The following GRID1 variants were observed in gnomAD, a reference collection of about 807,000 sequenced individuals.
GRID1 encodes the protein glutamate ionotropic receptor delta type subunit 1, also known as glutamate receptor ionotropic, delta-1.
A neutral mutation model predicts 98.0 loss-of-function variants in GRID1; 28 were observed. That is an observed-to-expected ratio of 0.29 (90% CI 0.21 to 0.39). The LOEUF (loss-of-function observed/expected upper bound fraction) is 0.39. GRID1 is among the 10% of genes least tolerant of loss of function. The pLI is 1.00. For missense variants in GRID1, 1,111 were observed against 1,340.5 expected (o/e 0.83, Z 2.67); for synonymous variants, 553 against 538.5 (o/e 1.03, Z -0.37).
chr10:86,325,576 T>C (rs1198907628), intron 2 of GRID1, among the ~76,000 whole-genome samples: 1 of 152,228 alleles, frequency 6.6e-6, no homozygotes, highest in Non-Finnish European at 1.5e-5. Context: ...AGACCAGGAA[T>C]TAACAATAAA....
intron 12 of GRID1, among the ~76,000 whole-genome samples, chr10:85,661,639 G>C (rs1436518922): frequency 1.3e-5 from 2 of 152,182 alleles, no homozygotes; most frequent in African/African-American, 4.8e-5. Context: ...CAAGGCTACA[G>C]CCACAATGCA....
At chr10:85,838,432 AG>A (rs1842931215) in intron 8 of GRID1, among the ~76,000 whole-genome samples, 1 of 152,214 alleles carries the variant, frequency 6.6e-6, no homozygotes, top group Non-Finnish European at 1.5e-5. Context: ...GTCACCAACA[AG>A]GGAAGCTCAT....
intron 8 of GRID1, among the ~76,000 whole-genome samples, chr10:85,762,804 C>T (rs1029409933): frequency 1.3e-5 from 2 of 152,150 alleles, no homozygotes; most frequent in African/African-American, 4.8e-5. Flanking sequence ...GAAGTGAGTG[C>T]CTGTTGTGAG....
At chr10:86,152,216 T>C (rs1408338802) in intron 3 of GRID1, among the ~76,000 whole-genome samples, 1 of 152,076 alleles carries the variant, frequency 6.6e-6, no homozygotes. Context: ...GATGTCAGGA[T>C]CAAAGGCCTC....
At chr10:85,807,370 G>A (rs1045572202) in intron 8 of GRID1, among the ~76,000 whole-genome samples, 3 of 150,992 alleles carry the variant, frequency 2.0e-5, no homozygotes, top group Non-Finnish European at 3.0e-5. Context: ...AAAAAAAAAG[G>A]AAAGAAAAAG....
At chr10:85,725,763 A>C (rs1378222806) in intron 10 of GRID1, among the ~76,000 whole-genome samples, 1 of 152,214 alleles carries the variant, frequency 6.6e-6, no homozygotes, top group Non-Finnish European at 1.5e-5. Context: ...TATGTAGGCT[A>C]GGGACAGATA....
At chr10:85,863,652 T>A (rs1198886061) in intron 6 of GRID1, among the ~76,000 whole-genome samples, 1 of 152,124 alleles carries the variant, frequency 6.6e-6, no homozygotes, top group African/African-American at 2.4e-5. Context: ...GTTGAGCTCC[T>A]CAGGAGTGCT....
intron 5 of GRID1, among the ~76,000 whole-genome samples, chr10:85,901,502 C>A (rs539322864): frequency 6.6e-6 from 1 of 152,134 alleles, no homozygotes. Flanking sequence ...CCCGCCTTGG[C>A]CTCCCAAAGA....
At chr10:86,200,599 A>T (rs1845933725) in intron 3 of GRID1, among the ~76,000 whole-genome samples, 1 of 152,236 alleles carries the variant, frequency 6.6e-6, no homozygotes, top group African/African-American at 2.4e-5. Context: ...CAGGTAGGAA[A>T]GGACTTCTTA....
intron 4 of GRID1, among the ~76,000 whole-genome samples, chr10:86,099,936 A>T (rs1377594488): frequency 6.6e-6 from 1 of 152,128 alleles, no homozygotes; most frequent in East Asian, 1.9e-4. Context: ...CAGCACCCTC[A>T]TGGGGCTGGG....
At chr10:86,044,819 G>A (rs1843398867) in intron 4 of GRID1, among the ~76,000 whole-genome samples, 1 of 151,516 alleles carries the variant, frequency 6.6e-6, no homozygotes, top group South Asian at 2.1e-4. Context: ...CGTTTTGCAG[G>A]TTATCTCATA....
chr10:85,920,641 C>T (rs535360084), intron 4 of GRID1, among the ~76,000 whole-genome samples: 7 of 152,234 alleles, frequency 4.6e-5, no homozygotes, highest in South Asian at 2.1e-4. Context: ...GGCAGCAGGA[C>T]GTGGTGTTTC....
At chr10:85,897,102 T>C (rs954081806) in intron 5 of GRID1, among the ~76,000 whole-genome samples, 17 of 152,190 alleles carry the variant, frequency 1.1e-4, no homozygotes, top group African/African-American at 3.9e-4. Context: ...AAATGACGTA[T>C]ATAAGGCTGT....
intron 4 of GRID1, among the ~76,000 whole-genome samples, chr10:86,026,005 G>A (rs1042549876): frequency 2.0e-5 from 3 of 152,208 alleles, no homozygotes; most frequent in Non-Finnish European, 4.4e-5. Context: ...ACCACCCTCT[G>A]GCTTGTTCCT....
At chr10:86,307,667 A>G (rs1847777101) in intron 2 of GRID1, among the ~76,000 whole-genome samples, 1 of 152,220 alleles carries the variant, frequency 6.6e-6, no homozygotes, top group East Asian at 1.9e-4. Flanking sequence ...AAATTTACTA[A>G]GAGAGAATTT....
rs117815189 is a variant in GRID1 at position 86,268,204 on chromosome 10, G to A, written c.236-61556C>T. On this transcript the variant is annotated intron_variant, in intron 2 of 15. Transcript: ENST00000327946. The stretch of plus-strand genomic sequence containing the variant: ...GGGTATCCATAGTTAACTGCTACCC[G>A]GTATGCTCCCCAACTCCTCAGAGCT... Among the ~76,000 whole-genome samples the A allele has an allele frequency of 6.7e-4, 102 of 152,250 alleles. 1 individual carries two copies. The East Asian group carries it at 0.013, about 20-fold the overall frequency.
chr10:85,915,629 C>A (rs549476773), intron 5 of GRID1, among the ~76,000 whole-genome samples: 3 of 152,044 alleles, frequency 2.0e-5, no homozygotes, highest in South Asian at 4.2e-4. Flanking sequence ...CACGAACATG[C>A]ATGTTCACAC....
intron 6 of GRID1, among the ~76,000 whole-genome samples, chr10:85,865,904 CATATATACATATAT>C (rs1469786870): frequency 4.8e-4 from 25 of 52,406 alleles, no homozygotes. Flanking sequence ...AAGTGTTTTA[CATATATACATATAT>C]ATATATATAT....
At chr10:85,647,168 C>T in intron 13 of GRID1, 34 bp downstream of exon 13, 5 of 1,578,702 alleles carry the variant, frequency 3.2e-6, no homozygotes, top group Non-Finnish European at 4.4e-6. Context: ...GGCCCTGTTA[C>T]AGTGCACGTG....
Sources: allele counts gnomAD v4.1 joint callset (sites outside exome capture counted in the v4.1 genomes callset), GRCh38; gene constraint gnomAD v4.1.1; transcripts MANE v1.5; gene names NCBI Gene and HGNC (gene_info 2026-07-23, HGNC 2026-07-21).